The following NARS2 variants were observed in gnomAD, a reference collection of about 807,000 sequenced individuals.
NARS2 encodes the protein asparaginyl-tRNA synthetase 2, mitochondrial, also known as asparaginyl-tRNA synthetase.
NARS2 carries 60 observed loss-of-function variants against 62.9 expected under a neutral mutation model. That is an observed-to-expected ratio of 0.95 (90% CI 0.77 to 1.18). The LOEUF (loss-of-function observed/expected upper bound fraction) is 1.18, where lower values mean the gene tolerates loss of function less well. NARS2 is among the 50% of genes most tolerant of loss of function. The pLI is 0.00. For missense variants in NARS2, 619 were observed against 576.4 expected (o/e 1.07, Z -0.76); for synonymous variants, 196 against 200.0 (o/e 0.98, Z 0.17).
Position 78,505,052 on chromosome 11 carries a change from T to A in NARS2, c.690-11857A>T, listed in dbSNP as rs557853220. Among the ~76,000 whole-genome samples the A allele has an allele frequency of 5.3e-4, 80 of 151,070 alleles. No homozygotes were observed. In the Middle Eastern group the frequency reaches 0.014, roughly 26 times the overall value. On this transcript the variant is annotated intron_variant, in intron 6 of 13. Coordinates refer to ENST00000281038, the MANE Select transcript of NARS2 (RefSeq NM_024678.6). The stretch of plus-strand genomic sequence containing the variant: ...ACAGTTCACAGGTAAATTTTTACAA[T>A]TTTGACTTAAAAAAAAAAAAACCAC...
At chr11:78,457,381 C>G in intron 11 of NARS2, among the ~76,000 whole-genome samples, 1 of 152,018 alleles carries the variant, frequency 6.6e-6, no homozygotes, top group Admixed American at 6.6e-5. Context: ...GGAACTCTTG[C>G]GAACTTACAG....
intron 6 of NARS2, among the ~76,000 whole-genome samples, chr11:78,509,009 A>G (rs891322056): frequency 2.0e-5 from 3 of 151,782 alleles, no homozygotes; most frequent in Non-Finnish European, 2.9e-5. Context: ...CAGCTACTCA[A>G]GAGACTGAAG....
chr11:78,456,137 C>T (rs1858155777), intron 11 of NARS2, among the ~76,000 whole-genome samples: 1 of 152,084 alleles, frequency 6.6e-6, no homozygotes, highest in Admixed American at 6.6e-5. Flanking sequence ...AATGAAGATT[C>T]CTCGACACTC....
chr11:78,464,957 G>A (rs569351171), intron 11 of NARS2, among the ~76,000 whole-genome samples: 38 of 152,380 alleles, frequency 2.5e-4, no homozygotes, highest in African/African-American at 4.8e-4. Flanking sequence ...TGCCAGTCCC[G>A]CGCCATGCGC....
chr11:78,472,813 G>C (rs1858931364), intron 9 of NARS2, among the ~76,000 whole-genome samples: 1 of 152,190 alleles, frequency 6.6e-6, no homozygotes, highest in Non-Finnish European at 1.5e-5. Context: ...AGAAGTTTCA[G>C]TGCCAATGCC....
intron 6 of NARS2, among the ~76,000 whole-genome samples, chr11:78,497,290 T>C (rs1565237934): frequency 6.7e-6 from 1 of 148,704 alleles, no homozygotes; most frequent in African/African-American, 2.5e-5. Flanking sequence ...TTCTCCCGTG[T>C]ATGGAGTTTT....
chr11:78,531,178 G>A (rs115567427), intron 5 of NARS2, among the ~76,000 whole-genome samples: 2,284 of 152,072 alleles, frequency 0.015, 59 homozygotes, highest in African/African-American at 0.052. Flanking sequence ...GGGAACTCTC[G>A]AAGAGAGTTA....
At chr11:78,473,096 T>G (rs1340927571) in intron 9 of NARS2, among the ~76,000 whole-genome samples, 1 of 151,844 alleles carries the variant, frequency 6.6e-6, no homozygotes, top group Non-Finnish European at 1.5e-5. Flanking sequence ...AGCCCAGGAG[T>G]TCAAGGCTGC....
chr11:78,551,629 T>A (rs775849201), intron 5 of NARS2, among the ~76,000 whole-genome samples: 3 of 152,096 alleles, frequency 2.0e-5, no homozygotes, highest in Non-Finnish European at 4.4e-5. Context: ...GGCGGACGGA[T>A]CACCTGAGGT....
chr11:78,557,492 C>G (rs1856395125), intron 5 of NARS2, among the ~76,000 whole-genome samples: 1 of 152,112 alleles, frequency 6.6e-6, no homozygotes, highest in Non-Finnish European at 1.5e-5. Context: ...CTTCTGAAAG[C>G]AACAAAGACA....
chr11:78,440,668 G>C (rs947916626), intron 13 of NARS2, among the ~76,000 whole-genome samples: 5 of 151,940 alleles, frequency 3.3e-5, no homozygotes, highest in African/African-American at 1.2e-4. Context: ...AAGTAGGTGG[G>C]ATTACAGGTG....
At chr11:78,474,591 C>A (rs919928399) in intron 9 of NARS2, among the ~76,000 whole-genome samples, 3 of 152,050 alleles carry the variant, frequency 2.0e-5, no homozygotes, top group East Asian at 1.9e-4. Flanking sequence ...GAGGATCCAG[C>A]CTAAAGAATA....
chr11:78,443,779 A>G, intron 11 of NARS2, 21 bp from the exon 12 acceptor site: 2 of 1,524,468 alleles, frequency 1.3e-6, no homozygotes, highest in Non-Finnish European at 1.8e-6. Context: ...AAAAAAAATT[A>G]TTAGCATTAT....
chr11:78,478,924 T>C (rs945947282), intron 7 of NARS2, among the ~76,000 whole-genome samples: 1 of 152,160 alleles, frequency 6.6e-6, no homozygotes, highest in African/African-American at 2.4e-5. Context: ...TCAATGCTGG[T>C]AAAGAAGTGA....
At chr11:78,515,597 C>A (rs903109013) in intron 6 of NARS2, among the ~76,000 whole-genome samples, 1 of 151,980 alleles carries the variant, frequency 6.6e-6, no homozygotes, top group Non-Finnish European at 1.5e-5. Context: ...TAGCTCACTG[C>A]AGCCTTGAAT....
intron 2 of NARS2, 48 bp from the exon 3 acceptor site, chr11:78,568,800 T>C (rs1856825505): frequency 7.1e-7 from 1 of 1,400,942 alleles, no homozygotes; most frequent in East Asian, 2.3e-5. Context: ...ATATACAACC[T>C]TCATTTTAAT....
chr11:78,448,258 C>A (rs958314360), intron 11 of NARS2, among the ~76,000 whole-genome samples: 1 of 151,024 alleles, frequency 6.6e-6, no homozygotes, highest in African/African-American at 2.4e-5. Flanking sequence ...TATTCAAAAC[C>A]TATCATTTTC....
At chr11:78,541,072 T>C (rs371862582) in intron 5 of NARS2, among the ~76,000 whole-genome samples, 20 of 152,256 alleles carry the variant, frequency 1.3e-4, no homozygotes, top group African/African-American at 4.6e-4. Flanking sequence ...GTCATGAGAA[T>C]TGCTTGACTC....
At chr11:78,465,808 T>G in intron 11 of NARS2, 68 bp downstream of exon 11, 1 of 1,501,302 alleles carries the variant, frequency 6.7e-7, no homozygotes, top group South Asian at 1.2e-5. Flanking sequence ...TAAGAAAAGA[T>G]CACAAAGGCT....
Sources: allele counts gnomAD v4.1 joint callset (sites outside exome capture counted in the v4.1 genomes callset), GRCh38; gene constraint gnomAD v4.1.1; transcripts MANE v1.5; gene names NCBI Gene and HGNC (gene_info 2026-07-23, HGNC 2026-07-21).